The following HTRA3 variants were observed in gnomAD, a reference collection of about 807,000 sequenced individuals.
HTRA3 encodes the protein serine protease HTRA3.
In HTRA3, 41 loss-of-function variants were observed where a neutral mutation model predicts 43.2. The ratio of observed to expected loss-of-function variants is 0.95; its 90% CI spans 0.74 to 1.23. The LOEUF (loss-of-function observed/expected upper bound fraction) is 1.23. Ranked by LOEUF, HTRA3 falls within the 50% of genes most tolerant of loss-of-function variation. The pLI, the probability that HTRA3 is intolerant of heterozygous loss-of-function variation, is 0.00. For synonymous variants in HTRA3, 295 were observed against 287.9 expected, an observed-to-expected ratio of 1.02 and a Z score of -0.25; for missense variants, 628 against 647.1, an observed-to-expected ratio of 0.97 and a Z score of 0.32.
rs1712176659 is a variant in HTRA3, at chr4:8,269,953, C to T, written c.-16C>T. 17 of 1,102,796 alleles carry T rather than the reference C, an allele frequency of 1.5e-5. No homozygotes were observed. The highest frequency in any genetic ancestry group is 1.7e-5 in the Non-Finnish European group (15 of 906,530). 68.3% of individuals were successfully genotyped at this position (1,102,796 alleles called of 1,614,324 possible). On this transcript the variant is annotated 5_prime_UTR_variant, in exon 1 of 9. Transcript: ENST00000307358. ...CCCGGTCTCCCGCGCTGCCACCCGC[C>T]GCCGGCCCTGCCGCCATGCAGGCGC... is the stretch of plus-strand genomic sequence containing the variant.
rs964604673 is a variant in HTRA3, at chr4:8,279,804, C to T, written c.386-2633C>T. On this transcript the variant is annotated intron_variant, in intron 1 of 8. Coordinates refer to ENST00000307358, the MANE Select transcript of HTRA3 (RefSeq NM_053044.5). The surrounding 1 kb of genome is among the most constrained non-coding windows in gnomAD (Gnocchi z 7.4). ...GGGCTCTTCCAGGCCTGGGTCAGGG[C>T]ACCTCTGCACTCACCCACCCCACGC... Among the ~76,000 whole-genome samples the T allele has an allele frequency of 6.6e-6, 1 of 152,094 alleles. No homozygotes were observed. The highest frequency in any genetic ancestry group is 3.2e-3 in the Middle Eastern group (1 of 316).
At position 8,297,176 on chromosome 4, in the gene HTRA3, C is replaced by T. The variant is rs1199778065; in HGVS notation, c.1051+2975C>T. Among the ~76,000 whole-genome samples, 1 of 152,036 alleles carries T rather than the reference C, an allele frequency of 6.6e-6. No individual in the cohort carries two copies. Among genetic ancestry groups the T allele is most frequent in the African/African-American group, 2.4e-5 (1 of 41,396 alleles). ...GTGGAAAAGTCTGGGGAAGGCAGCC[C>T]AGCCACCTGGCAGGAGCAGGGCCAG... On this transcript the variant is annotated intron_variant, in intron 6 of 8. Transcript: ENST00000307358. This position sits in a 1 kb window ranked among gnomAD's most constrained non-coding sequence, Gnocchi z 5.8.
rs1324905888 is a variant in HTRA3, at chr4:8,296,340, A to G, written c.1051+2139A>G. On this transcript the variant is annotated intron_variant, in intron 6 of 8. Transcript: ENST00000307358. The surrounding 1 kb of genome is among the most constrained non-coding windows in gnomAD (Gnocchi z 5.3). The stretch of plus-strand genomic sequence containing the variant: ...TCCTCAGAGCTGTGTCCCCTCCCCA[A>G]GGACAGTGCAGACTAACTGAGGAGC... 2 of 985,336 alleles carry G rather than the reference A, an allele frequency of 2.0e-6. No homozygotes were observed. The highest frequency in any genetic ancestry group is 3.5e-5 in the African/African-American group (2 of 57,244). The allele number at this position is 985,336 out of a possible 1,614,324, so 61.0% of individuals were successfully genotyped here. A position where few individuals can be genotyped will look rare whatever the true frequency, so the allele number is the denominator to read the frequency against.
intron 3 of HTRA3, among the ~76,000 whole-genome samples, chr4:8,290,657 C>T (rs373529962): frequency 3.3e-5 from 5 of 152,188 alleles, no homozygotes; most frequent in African/African-American, 1.2e-4. Context: ...TAACAAGCAC[C>T]CGGGATTACC....
At chr4:8,304,649 T>TTTG (rs1560144654) in intron 8 of HTRA3, among the ~76,000 whole-genome samples, 3 of 119,054 alleles carry the variant, frequency 2.5e-5, no homozygotes, top group African/African-American at 1.1e-4. Flanking sequence ...TATTGTTTTT[T>TTTG]TTTTTTTTTT....
chr4:8,279,961 AC>A lies in HTRA3; in HGVS notation c.386-2475del, dbSNP rs142776842. ...GGTGGGCACACAGGAGGCACCCTGC[AC>A]GAGTGGCTTGAATAAGGCTGTGAGC... On this transcript the variant is annotated intron_variant, in intron 1 of 8. Coordinates refer to ENST00000307358, the MANE Select transcript of HTRA3 (RefSeq NM_053044.5). The surrounding 1 kb of genome is among the most constrained non-coding windows in gnomAD (Gnocchi z 7.4). Among the ~76,000 whole-genome samples the A allele has an allele frequency of 0.023, 3,548 of 152,238 alleles. 64 individuals carry two copies. Among genetic ancestry groups the A allele is most frequent in the African/African-American group, 0.056 (2,318 of 41,536 alleles).
intron 6 of HTRA3, among the ~76,000 whole-genome samples, chr4:8,300,692 TTG>T (rs1243707915): frequency 6.6e-6 from 1 of 152,224 alleles, no homozygotes; most frequent in Admixed American, 6.5e-5. Flanking sequence ...ATTTTCACTA[TTG>T]TGTTTCTTTG....
intron 3 of HTRA3, among the ~76,000 whole-genome samples, chr4:8,290,585 G>A (rs893004125): frequency 6.6e-6 from 1 of 152,228 alleles, no homozygotes; most frequent in East Asian, 1.9e-4. Context: ...AGTTGATGTG[G>A]GTACGAGCAC....
chr4:8,305,943 GTGGTGACCCCGTCTCTCCTGT>G lies in HTRA3; in HGVS notation c.1197-24_1197-4del. The G allele has an allele frequency of 1.2e-6, 2 of 1,610,988 alleles. No individual in the cohort carries two copies. The highest frequency in any genetic ancestry group is 1.7e-6 in the Non-Finnish European group (2 of 1,178,914). ...AAGGCTGTGCCTGGGGAGGCGGTGG[GTGGTGACCCCGTCTCTCCTGT>G]TGGCAGAGGCGGCATCCAAGATGGT... On this transcript the variant is annotated splice_polypyrimidine_tract_variant and splice_region_variant and intron_variant, in intron 8 of 8. Transcript: ENST00000307358.
chr4:8,283,846 C>T (rs917210419), intron 2 of HTRA3, among the ~76,000 whole-genome samples: 4 of 152,200 alleles, frequency 2.6e-5, no homozygotes, highest in Non-Finnish European at 4.4e-5. Context: ...GGGGACTGAG[C>T]ATCTGGTGGC....
In HTRA3 at chr4:8,296,944, C is replaced by T. The variant is rs1371077290; in HGVS notation, c.1051+2743C>T. 6.6e-6 allele frequency among the ~76,000 whole-genome samples: 1 copy of T among 152,058 alleles called. No homozygotes were observed. The highest frequency in any genetic ancestry group is 2.4e-5 in the African/African-American group (1 of 41,396). On this transcript the variant is annotated intron_variant, in intron 6 of 8. Coordinates refer to ENST00000307358, the MANE Select transcript of HTRA3 (RefSeq NM_053044.5). The surrounding 1 kb of genome is among the most constrained non-coding windows in gnomAD (Gnocchi z 5.3). ...CAGGATTCCTCGATCTCAGAGGCCA[C>T]AGGGTTCCTTAGTCTCAGAAGTCAC...
intron 4 of HTRA3, 41 bp from the exon 5 acceptor site, chr4:8,292,280 G>T (rs1713277831): frequency 6.3e-7 from 1 of 1,597,890 alleles, no homozygotes; most frequent in South Asian, 1.1e-5. Context: ...GAAGCCTCAG[G>T]CGGGGTCAGG....
chr4:8,290,491 A>G (rs1468807336), intron 3 of HTRA3, among the ~76,000 whole-genome samples: 1 of 152,226 alleles, frequency 6.6e-6, no homozygotes. Flanking sequence ...GCTACAGGGT[A>G]GTGCCACAAG....
rs2153006379 is a variant in HTRA3 at position 8,294,182 on chromosome 4, C to T, written c.1032C>T (p.Phe344=). ...SDRITRFLTE[F]QDKQIKDWKK... ...GCATCACACGGTTCCTCACAGAGTT[C>T]CAAGACAAGCAGATCAAAGGTAAAG... Residue 344 remains phenylalanine, a synonymous_variant, in exon 6 of 9, where the codon TTC becomes TTT. Coordinates refer to ENST00000307358, the MANE Select transcript of HTRA3 (RefSeq NM_053044.5). The T allele has an allele frequency of 1.2e-6, 2 of 1,611,570 alleles. No homozygotes were observed. The highest frequency in any genetic ancestry group is 1.7e-6 in the Non-Finnish European group (2 of 1,178,774).
chr4:8,278,146 T>A (rs1174442276), intron 1 of HTRA3, among the ~76,000 whole-genome samples: 1 of 152,092 alleles, frequency 6.6e-6, no homozygotes, highest in Non-Finnish European at 1.5e-5. Flanking sequence ...GTTATGACTG[T>A]CCAGAGCCAG....
At position 8,296,639 on chromosome 4, in the gene HTRA3, TG is replaced by T. The variant is rs1185141878; in HGVS notation, c.1051+2442del. Among the ~76,000 whole-genome samples the T allele has an allele frequency of 1.3e-5, 2 of 152,158 alleles. No homozygotes were observed. Among genetic ancestry groups the T allele is most frequent in the Non-Finnish European group, 2.9e-5 (2 of 68,032 alleles). On this transcript the variant is annotated intron_variant, in intron 6 of 8. Coordinates refer to ENST00000307358, the MANE Select transcript of HTRA3 (RefSeq NM_053044.5). The surrounding 1 kb of genome is among the most constrained non-coding windows in gnomAD (Gnocchi z 5.3). ...ATGTTGGGGGAGCCCCAGGAGGGCT[TG>T]GGGTCCAGCCAGCCTTAGGACCAGA...
chr4:8,271,954 G>A (rs1188328703), intron 1 of HTRA3, among the ~76,000 whole-genome samples: 1 of 152,160 alleles, frequency 6.6e-6, no homozygotes, highest in Non-Finnish European at 1.5e-5. Flanking sequence ...TGCGAGTGTG[G>A]GGCTGCGGGG....
chr4:8,294,573 C>T (rs573730115), intron 6 of HTRA3, among the ~76,000 whole-genome samples: 13 of 77,832 alleles, frequency 1.7e-4, no homozygotes, highest in Admixed American at 7.1e-4. Flanking sequence ...TCTATCCGTC[C>T]GTCCGTCCGT....
At chr4:8,282,563 T>A (rs1403525703) in intron 2 of HTRA3, 27 bp downstream of exon 2, 2 of 1,538,242 alleles carry the variant, frequency 1.3e-6, no homozygotes, top group African/African-American at 2.7e-5. Context: ...CGCCCCTCTC[T>A]GCCTCCTGGT....
Sources: gnomAD v4.1 joint callset for allele counts (sites outside exome capture counted in the v4.1 genomes callset) on GRCh38, gnomAD v4.1.1 for gene constraint, Gnocchi (gnomAD v3.1) non-coding constraint, MANE v1.5 for transcripts, NCBI Gene and HGNC (gene_info 2026-07-23, HGNC 2026-07-21) for gene names.